Variants in RASAL2 observed in about 807,000 individuals in gnomAD.
The protein encoded by RASAL2 is RAS protein activator like 2, also known as ras GTPase-activating protein nGAP.
RASAL2 carries 58 observed loss-of-function variants against 128.9 expected under a neutral mutation model. That is an observed-to-expected ratio of 0.45 (90% CI 0.36 to 0.56). RASAL2 has a LOEUF of 0.56. Ranked by LOEUF, RASAL2 falls within the 20% of genes least tolerant of loss-of-function variation. RASAL2 has a pLI of 0.00. For synonymous variants in RASAL2, 561 were observed against 580.8 expected, an observed-to-expected ratio of 0.97 and a Z score of 0.49; for missense variants, 1,360 against 1,601.6, an observed-to-expected ratio of 0.85 and a Z score of 2.57.
At chr1:178,296,228 G>A (rs558440578) in intron 2 of RASAL2, among the ~76,000 whole-genome samples, 36 of 151,888 alleles carry the variant, frequency 2.4e-4, no homozygotes, top group African/African-American at 7.2e-4. Flanking sequence ...TTCCTGGATG[G>A]TTTGAAATTA....
intron 1 of RASAL2, among the ~76,000 whole-genome samples, chr1:178,160,254 A>T (rs1280461115): frequency 6.6e-6 from 1 of 152,198 alleles, no homozygotes; most frequent in East Asian, 1.9e-4. Flanking sequence ...TTATATGATC[A>T]TCAAGAGAGT....
rs1658606085 is a variant in RASAL2, at chr1:178,094,694, G to A, written c.202G>A (p.Asp68Asn). 2 of 1,613,928 alleles carry A rather than the reference G, an allele frequency of 1.2e-6. No individual in the cohort carries two copies. The highest frequency in any genetic ancestry group is 3.3e-5 in the Admixed American group (2 of 60,014). The change falls in exon 1 of 18, where the codon GAT becomes AAT. Residue 68 changes from aspartate to asparagine, a missense_variant and splice_region_variant. This residue lies in a region of RASAL2 where 617 missense variants were observed against 714.2 expected (regional missense o/e 0.86). Transcript: ENST00000367649. ...CQQQSWVRVY[D>N]VKGPPTHRLS... is the part of the protein sequence containing the mutation. ...GCAACAGAGCTGGGTCCGGGTGTAC[G>A]GTAAGGACCACAGGCCGTCTTAGAG...
At chr1:178,199,447 C>T (rs1020261834) in intron 1 of RASAL2, among the ~76,000 whole-genome samples, 16 of 152,090 alleles carry the variant, frequency 1.1e-4, no homozygotes, top group South Asian at 8.3e-4. Flanking sequence ...ACGGACACCC[C>T]GAGGAATTCT....
intron 3 of RASAL2, among the ~76,000 whole-genome samples, chr1:178,301,831 A>T (rs186098482): frequency 1.5e-3 from 230 of 152,258 alleles, no homozygotes; most frequent in African/African-American, 5.4e-3. Flanking sequence ...TAGTCTCAAG[A>T]ATTATTGCAG....
chr1:178,155,995 C>G (rs1661071936), intron 1 of RASAL2, among the ~76,000 whole-genome samples: 1 of 152,012 alleles, frequency 6.6e-6, no homozygotes, highest in Admixed American at 6.6e-5. Context: ...ATATTTCTTG[C>G]CTTGTTTAAT....
chr1:178,107,164 T>C (rs939320019), intron 1 of RASAL2, among the ~76,000 whole-genome samples: 17 of 152,208 alleles, frequency 1.1e-4, no homozygotes, highest in Non-Finnish European at 2.5e-4. Flanking sequence ...CTCCTAACGA[T>C]TCTTGGTGAT....
At chr1:178,122,075 T>C (rs1659738121) in intron 1 of RASAL2, among the ~76,000 whole-genome samples, 1 of 152,164 alleles carries the variant, frequency 6.6e-6, no homozygotes, top group Non-Finnish European at 1.5e-5. Flanking sequence ...TGGTATTCTG[T>C]ATCTTGAAAA....
At chr1:178,456,923 C>T in intron 13 of RASAL2, 24 bp downstream of exon 13, 1 of 1,597,882 alleles carries the variant, frequency 6.3e-7, no homozygotes, top group Non-Finnish European at 8.6e-7. Context: ...AATTTGACCA[C>T]TATCTCGGAG....
At chr1:178,262,664 T>C (rs1381853018) in intron 1 of RASAL2, among the ~76,000 whole-genome samples, 1 of 152,186 alleles carries the variant, frequency 6.6e-6, no homozygotes, top group Non-Finnish European at 1.5e-5. Flanking sequence ...CAATTACTCC[T>C]CTCAAGTTTA....
intron 1 of RASAL2, among the ~76,000 whole-genome samples, chr1:178,208,427 G>A (rs577090999): frequency 6.6e-6 from 1 of 152,118 alleles, no homozygotes; most frequent in Non-Finnish European, 1.5e-5. Flanking sequence ...GATAAGGACT[G>A]AGATACGCCC....
At chr1:178,200,115 A>G (rs955303664) in intron 1 of RASAL2, among the ~76,000 whole-genome samples, 23 of 152,084 alleles carry the variant, frequency 1.5e-4, no homozygotes, top group Non-Finnish European at 3.4e-4. Context: ...TCCCCTTTAT[A>G]TATACATCTG....
At chr1:178,350,176 G>A (rs1020820491) in intron 3 of RASAL2, among the ~76,000 whole-genome samples, 1 of 152,092 alleles carries the variant, frequency 6.6e-6, no homozygotes, top group Non-Finnish European at 1.5e-5. Flanking sequence ...CCACAAACTT[G>A]GCAAGTGAAA....
chr1:178,216,742 T>A (rs1663434410), intron 1 of RASAL2, among the ~76,000 whole-genome samples: 1 of 151,328 alleles, frequency 6.6e-6, no homozygotes, highest in Non-Finnish European at 1.5e-5. Context: ...TGGGTCCAAG[T>A]GATTCTCCTG....
intron 1 of RASAL2, among the ~76,000 whole-genome samples, chr1:178,193,778 A>G (rs1662569006): frequency 6.8e-5 from 1 of 14,748 alleles, no homozygotes; most frequent in African/African-American, 7.7e-5. Flanking sequence ...GACACAAAGA[A>G]TTTTTTTTGG....
chr1:178,308,306 C>T (rs1668089052), intron 3 of RASAL2, among the ~76,000 whole-genome samples: 1 of 151,890 alleles, frequency 6.6e-6, no homozygotes, highest in African/African-American at 2.4e-5. Context: ...TGTTTGTATA[C>T]ATGAAGACCA....
At chr1:178,424,443 C>G (rs1239512325) in intron 5 of RASAL2, among the ~76,000 whole-genome samples, 4 of 151,452 alleles carry the variant, frequency 2.6e-5, no homozygotes, top group African/African-American at 7.3e-5. Context: ...AACCACAAAC[C>G]TTATCTTCAC....
At chr1:178,398,763 C>A (rs1017929841) in intron 4 of RASAL2, among the ~76,000 whole-genome samples, 3 of 152,134 alleles carry the variant, frequency 2.0e-5, no homozygotes, top group Non-Finnish European at 2.9e-5. Context: ...GGGCCAAAAC[C>A]CTAAGAGTCA....
intron 2 of RASAL2, among the ~76,000 whole-genome samples, chr1:178,289,955 G>C (rs1667202759): frequency 6.6e-6 from 1 of 151,732 alleles, no homozygotes; most frequent in Non-Finnish European, 1.5e-5. Flanking sequence ...TCATCTCTTT[G>C]CTTACATACC....
chr1:178,139,624 G>A (rs895435837), intron 1 of RASAL2, among the ~76,000 whole-genome samples: 1 of 151,936 alleles, frequency 6.6e-6, no homozygotes, highest in African/African-American at 2.4e-5. Context: ...AGAAACTGCA[G>A]GGAAGTTATT....
Sources: allele counts gnomAD v4.1 joint callset (sites outside exome capture counted in the v4.1 genomes callset), GRCh38; gene constraint gnomAD v4.1.1; regional missense constraint gnomAD v4.1.1; transcripts MANE v1.5; gene names NCBI Gene and HGNC (gene_info 2026-07-23, HGNC 2026-07-21).